The following GAB2 variants were observed in gnomAD, a reference collection of about 807,000 sequenced individuals.
GAB2 encodes the protein GRB2-associated-binding protein 2.
In GAB2, 26 loss-of-function variants were observed where a neutral mutation model predicts 65.5. The observed-to-expected ratio is 0.40, with a 90% CI of 0.29 to 0.55. The LOEUF is 0.55. Ranked by LOEUF, GAB2 falls within the 20% of genes least tolerant of loss-of-function variation. GAB2 has a pLI of 0.53. For missense variants in GAB2, 884 were observed against 875.8 expected, an observed-to-expected ratio of 1.01 and a Z score of -0.12; for synonymous variants, 321 against 329.6, an observed-to-expected ratio of 0.97 and a Z score of 0.28.
At chr11:78,229,645 T>G (rs1481086235) in intron 3 of GAB2, among the ~76,000 whole-genome samples, 2 of 152,220 alleles carry the variant, frequency 1.3e-5, no homozygotes, top group African/African-American at 4.8e-5. Context: ...AACTTCCCAG[T>G]GTAAACATTT....
chr11:78,368,914 AAACAAATTTTTTAAAAATT>A (rs1256235931), intron 1 of GAB2, among the ~76,000 whole-genome samples: 4 of 152,106 alleles, frequency 2.6e-5, no homozygotes, highest in African/African-American at 9.6e-5. Context: ...CCATCGCTAC[AAACAAATTTTTTAAAAATT>A]AAAAAATTTT....
At chr11:78,390,917 C>T (rs1304387363) in intron 1 of GAB2, among the ~76,000 whole-genome samples, 4 of 152,130 alleles carry the variant, frequency 2.6e-5, no homozygotes, top group South Asian at 2.1e-4. Context: ...AGATCAATAA[C>T]GCAGATGAAA....
chr11:78,286,356 G>T (rs937274497), intron 1 of GAB2, among the ~76,000 whole-genome samples: 10 of 152,004 alleles, frequency 6.6e-5, no homozygotes, highest in African/African-American at 2.4e-4. Flanking sequence ...ACTCCCCCAG[G>T]TAGAGCTGGA....
intron 1 of GAB2, among the ~76,000 whole-genome samples, chr11:78,404,132 T>C (rs1037208612): frequency 1.3e-5 from 2 of 152,176 alleles, no homozygotes; most frequent in Non-Finnish European, 2.9e-5. Context: ...AGGAAATCAA[T>C]GTATTGAAGA....
chr11:78,242,503 A>AC (rs1366255731), intron 3 of GAB2, among the ~76,000 whole-genome samples: 2 of 151,698 alleles, frequency 1.3e-5, no homozygotes, highest in African/African-American at 4.9e-5. Flanking sequence ...CTCCGTCTCA[A>AC]AACAAAAAAA....
In GAB2 at chr11:78,216,677, CG is replaced by C. The variant is rs1864164748; in HGVS notation, c.*2594del. 6.6e-6 allele frequency: 1 copy of C among 152,192 alleles called. No homozygotes were observed. The highest frequency in any genetic ancestry group is 2.1e-4 in the South Asian group (1 of 4,828). 9.4% of individuals were successfully genotyped at this position (152,192 alleles called of 1,614,324 possible). On this transcript the variant is annotated 3_prime_UTR_variant, in exon 10 of 10. Coordinates refer to ENST00000361507, the MANE Select transcript of GAB2 (RefSeq NM_080491.3). ...CGATTTGAACACCTCAGTCGCTCTC[CG>C]AAGATTCCAGCCAGGTCCACTCACA...
Position 78,274,967 on chromosome 11 carries a change from T to C in GAB2, c.376+5634A>G, listed in dbSNP as rs147875985. On this transcript the variant is annotated intron_variant, in intron 2 of 9. Transcript: ENST00000361507. The stretch of plus-strand genomic sequence containing the variant: ...AGCTGTGTGACCTTGGGTCAAATCG[T>C]TGTTGTTTCAAAGGATTACTGTGAC... Among the ~76,000 whole-genome samples the C allele has an allele frequency of 3.3e-5, 5 of 152,324 alleles. 1 individual carries two copies. Among genetic ancestry groups the C allele is most frequent in the African/African-American group, 1.2e-4 (5 of 41,572 alleles).
Position 78,276,056 on chromosome 11 carries a change from G to A in GAB2, c.376+4545C>T, listed in dbSNP as rs574482235. Among the ~76,000 whole-genome samples the A allele has an allele frequency of 1.2e-3, 173 of 149,204 alleles. 1 individual carries two copies. Among genetic ancestry groups the A allele is most frequent in the African/African-American group, 4.0e-3 (163 of 40,432 alleles). ...TTGAACCTGTGAGGTGGAAGTTGCA[G>A]TAAGCCAAGATTGTGCCACTGCATT... On this transcript the variant is annotated intron_variant, in intron 2 of 9. Coordinates refer to ENST00000361507, the MANE Select transcript of GAB2 (RefSeq NM_080491.3).
intron 1 of GAB2, among the ~76,000 whole-genome samples, chr11:78,370,149 T>C (rs1335680498): frequency 6.8e-6 from 1 of 147,564 alleles, no homozygotes; most frequent in Non-Finnish European, 1.5e-5. Flanking sequence ...CCCAGCTACT[T>C]GGGAGGCTGA....
intron 1 of GAB2, among the ~76,000 whole-genome samples, chr11:78,301,267 A>T (rs1867010206): frequency 1.3e-5 from 2 of 152,016 alleles, no homozygotes; most frequent in African/African-American, 2.4e-5. Flanking sequence ...TTGGAATTTA[A>T]ATTATTATTT....
At chr11:78,363,355 G>T (rs1379691341) in intron 1 of GAB2, among the ~76,000 whole-genome samples, 1 of 152,128 alleles carries the variant, frequency 6.6e-6, no homozygotes, top group Non-Finnish European at 1.5e-5. Flanking sequence ...ACACACATTT[G>T]TATCACTTCC....
intron 3 of GAB2, among the ~76,000 whole-genome samples, chr11:78,243,826 A>G (rs113539349): frequency 1.3e-5 from 2 of 152,188 alleles, no homozygotes; most frequent in Admixed American, 6.6e-5. Context: ...CCTGGAGGAC[A>G]GAGCAAGACT....
intron 3 of GAB2, among the ~76,000 whole-genome samples, chr11:78,238,157 C>T (rs1252388632): frequency 7.2e-6 from 1 of 139,110 alleles, no homozygotes; most frequent in Admixed American, 7.8e-5. Flanking sequence ...CAAACCTGCA[C>T]ATCCTTCACA....
intron 3 of GAB2, among the ~76,000 whole-genome samples, chr11:78,232,850 T>G (rs2134485222): frequency 1.3e-5 from 2 of 152,296 alleles, no homozygotes; most frequent in Admixed American, 1.3e-4. Context: ...TGATTCACTT[T>G]ATACCCCCTA....
At chr11:78,292,493 G>T (rs982428709) in intron 1 of GAB2, among the ~76,000 whole-genome samples, 15 of 152,214 alleles carry the variant, frequency 9.9e-5, no homozygotes, top group African/African-American at 3.1e-4. Context: ...CAACTCTCAG[G>T]TGGTGATGTG....
In GAB2 at chr11:78,219,009, T is replaced by C; in HGVS notation, c.*263A>G. On this transcript the variant is annotated 3_prime_UTR_variant, in exon 10 of 10. Transcript: ENST00000361507. ...GAGGCTGAAGGATGCTTTTTGGAAG[T>C]AGCTCCTAACTAAGGTGGGTGGAGG... 2.3e-6 allele frequency: 1 copy of C among 444,434 alleles called. No individual in the cohort carries two copies. Among genetic ancestry groups the C allele is most frequent in the East Asian group, 3.9e-5 (1 of 25,722 alleles). The allele number at this position is 444,434 out of a possible 1,614,324, so 27.5% of individuals were successfully genotyped here.
intron 1 of GAB2, among the ~76,000 whole-genome samples, chr11:78,393,864 T>C (rs1471121284): frequency 1.3e-5 from 2 of 152,232 alleles, no homozygotes; most frequent in Non-Finnish European, 2.9e-5. Context: ...GAATGTTGAA[T>C]GTGACTTTTT....
intron 3 of GAB2, among the ~76,000 whole-genome samples, chr11:78,235,566 T>C (rs1264294901): frequency 6.6e-6 from 1 of 152,194 alleles, no homozygotes; most frequent in East Asian, 1.9e-4. Context: ...CTTGAATGCT[T>C]TGCTGCTTAG....
intron 1 of GAB2, among the ~76,000 whole-genome samples, chr11:78,290,619 A>G (rs1356188112): frequency 2.0e-5 from 3 of 152,188 alleles, no homozygotes; most frequent in African/African-American, 7.2e-5. Context: ...TCTGGTGACA[A>G]TGAAGGCCCG....
Sources: gnomAD v4.1 joint callset for allele counts (sites outside exome capture counted in the v4.1 genomes callset) on GRCh38, gnomAD v4.1.1 for gene constraint, MANE v1.5 for transcripts, NCBI Gene and HGNC (gene_info 2026-07-23, HGNC 2026-07-21) for gene names.